KANK1: variants seen among roughly 807,000 people sequenced by gnomAD.
The protein encoded by KANK1 is KN motif and ankyrin repeat domain-containing protein 1.
A neutral mutation model predicts 106.2 loss-of-function variants in KANK1; 109 were observed. The observed-to-expected ratio is 1.03, with a 90% CI of 0.88 to 1.20. The LOEUF (loss-of-function observed/expected upper bound fraction) is 1.20, where lower values mean the gene tolerates loss of function less well. Ranked by LOEUF, KANK1 falls within the 50% of genes most tolerant of loss-of-function variation. The probability of loss-of-function intolerance (pLI) is 0.00; values close to 1 mark genes in which losing one functional copy is unlikely to be tolerated. For synonymous variants in KANK1, 873 were observed against 652.2 expected (o/e 1.34, Z -5.16); for missense variants, 2,399 against 1,710.7 (o/e 1.40, Z -7.10).
chr9:729,442 C>G (rs1235325067), intron 3 of KANK1, among the ~76,000 whole-genome samples: 4 of 152,134 alleles, frequency 2.6e-5, no homozygotes, highest in African/African-American at 7.2e-5. Flanking sequence ...GAAAGGTATT[C>G]CAGGTAGTAG....
chr9:529,220 A>T (rs111630439), intron 1 of KANK1, among the ~76,000 whole-genome samples: 1,676 of 144,188 alleles, frequency 0.012, 38 homozygotes, highest in African/African-American at 0.04. Flanking sequence ...TAACTCTGTT[A>T]ATATATATAT....
chr9:729,003 G>T (rs1402327421), intron 3 of KANK1, among the ~76,000 whole-genome samples: 2 of 152,204 alleles, frequency 1.3e-5, no homozygotes, highest in Admixed American at 1.3e-4. Context: ...GGCACATGTT[G>T]TCAGGACCTC....
At chr9:657,898 G>A (rs1334592766) in intron 1 of KANK1, among the ~76,000 whole-genome samples, 1 of 151,758 alleles carries the variant, frequency 6.6e-6, no homozygotes, top group Non-Finnish European at 1.5e-5. Context: ...GTGGTGTGGG[G>A]GTGGTATAGG....
chr9:640,985 C>T (rs752428427), intron 1 of KANK1, among the ~76,000 whole-genome samples: 8 of 152,152 alleles, frequency 5.3e-5, no homozygotes, highest in East Asian at 3.9e-4. Context: ...CGTGAGCCAC[C>T]GCGCCTGGCC....
Position 600,183 on chromosome 9 carries a change from G to T in KANK1, c.-83-76707G>T, listed in dbSNP as rs565299888. Among the ~76,000 whole-genome samples the T allele has an allele frequency of 2.6e-5, 4 of 151,600 alleles. No homozygotes were observed. In the East Asian group the frequency reaches 5.8e-4, roughly 22 times the overall value. ...CTTTCAAAACAAAAGCGCTATATCT[G>T]TTATACAACAACTCCCCACCCCCCT... On this transcript the variant is annotated intron_variant, in intron 1 of 11. Transcript: ENST00000382297.
chr9:743,843 C>T (rs1836409348), intron 10 of KANK1, among the ~76,000 whole-genome samples: 1 of 152,328 alleles, frequency 6.6e-6, no homozygotes, highest in South Asian at 2.1e-4. Flanking sequence ...GCCTGGGAGA[C>T]AAACCCTGTC....
intron 1 of KANK1, among the ~76,000 whole-genome samples, chr9:625,799 T>G (rs1834198994): frequency 6.6e-6 from 1 of 152,194 alleles, no homozygotes; most frequent in South Asian, 2.1e-4. Flanking sequence ...CTGAGTTTGT[T>G]GCACTGTGTA....
chr9:601,786 G>T (rs1827811224), intron 1 of KANK1, among the ~76,000 whole-genome samples: 1 of 151,654 alleles, frequency 6.6e-6, no homozygotes, highest in South Asian at 2.1e-4. Context: ...CTCACATTAT[G>T]GCATCCCCTG....
intron 1 of KANK1, among the ~76,000 whole-genome samples, chr9:511,856 T>G (rs1402549767): frequency 1.3e-5 from 2 of 152,108 alleles, no homozygotes; most frequent in Non-Finnish European, 2.9e-5. Context: ...CCCCAAAATT[T>G]AGTGGCTCAA....
At position 482,515 on chromosome 9, in the gene KANK1, G is replaced by A. The variant is rs117951978; in HGVS notation, c.-362+9242G>A. Reference sequence around the variant, plus strand: ...GGGGCACAATATTTTCCCCTCTCTCGAGATGGGTAAACTGAGGCTCAGGGG... The same window carrying A: ...GGGGCACAATATTTTCCCCTCTCTCAAGATGGGTAAACTGAGGCTCAGGGG... On this transcript the variant is annotated intron_variant, in intron 3 of 15. Transcript: ENST00000382303. 4.2e-3 allele frequency among the ~76,000 whole-genome samples: 638 copies of A among 152,242 alleles called. 5 individuals are homozygous for A. Among genetic ancestry groups the A allele is most frequent in the Admixed American group, 7.7e-3 (118 of 15,288 alleles).
chr9:561,834 A>G (rs1816520268), intron 1 of KANK1, among the ~76,000 whole-genome samples: 1 of 152,230 alleles, frequency 6.6e-6, no homozygotes, highest in Non-Finnish European at 1.5e-5. Context: ...AAAACTGTCA[A>G]GAGTCTGTAA....
At chr9:569,462 C>T (rs1163443429) in intron 1 of KANK1, among the ~76,000 whole-genome samples, 2 of 152,118 alleles carry the variant, frequency 1.3e-5, no homozygotes, top group African/African-American at 4.8e-5. Context: ...TGAGCTAGCA[C>T]ACTCGGCCGC....
intron 1 of KANK1, among the ~76,000 whole-genome samples, chr9:602,350 C>A (rs1308236553): frequency 1.3e-5 from 2 of 151,918 alleles, no homozygotes; most frequent in East Asian, 3.9e-4. Context: ...ACCTCCCGCT[C>A]CTGGGTTCAA....
chr9:646,636 C>G lies in KANK1; in HGVS notation c.-83-30254C>G, dbSNP rs1039814446. The stretch of plus-strand genomic sequence containing the variant: ...GTATTGTGCTGTGATAACAATGTCC[C>G]TAGAAACTGGACAGTTTATAGAGCA... On this transcript the variant is annotated intron_variant, in intron 1 of 11. Coordinates refer to ENST00000382297, the MANE Select transcript of KANK1 (RefSeq NM_015158.5). 6.0e-5 allele frequency among the ~76,000 whole-genome samples: 9 copies of G among 150,100 alleles called. 4 individuals carry two copies. The highest frequency in any genetic ancestry group is 2.3e-4 in the African/African-American group (9 of 39,954).
chr9:710,910 T>G lies in KANK1; in HGVS notation c.144T>G (p.Tyr48Ter), dbSNP rs781256675. The stretch of plus-strand genomic sequence containing the variant: ...AACTAGACTTAGATTTCCTCAAATA[T>G]GTGGATGACATACAGAAGGGAAATA... ...GYQLDLDFLK[Y>*]VDDIQKGNTI... is the part of the protein sequence containing the mutation. The change falls in exon 3 of 12, where the codon TAT becomes TAG. Residue 48 changes from tyrosine (Y) to a stop codon, truncating the protein, a stop_gained. Coordinates refer to ENST00000382297, the MANE Select transcript of KANK1 (RefSeq NM_015158.5). LOFTEE classifies it high-confidence loss of function. 4 of 1,614,150 alleles carry G rather than the reference T, an allele frequency of 2.5e-6. No individual in the cohort carries two copies. Among genetic ancestry groups the G allele is most frequent in the Non-Finnish European group, 3.4e-6 (4 of 1,180,008 alleles).
At chr9:651,461 C>T (rs9407334) in intron 1 of KANK1, among the ~76,000 whole-genome samples, 27,277 of 152,146 alleles carry the variant, frequency 0.18, 2,738 homozygotes, top group East Asian at 0.32. Context: ...CTGTGACTTA[C>T]TGGCATTTTC....
intron 1 of KANK1, among the ~76,000 whole-genome samples, chr9:594,722 G>A (rs1018363448): frequency 6.6e-6 from 1 of 151,836 alleles, no homozygotes; most frequent in Non-Finnish European, 1.5e-5. Context: ...AATATTGAAC[G>A]TGATTTCAGT....
chr9:718,000 C>T lies in KANK1; in HGVS notation c.2698+4536C>T, dbSNP rs184076962. 3.9e-5 allele frequency among the ~76,000 whole-genome samples: 6 copies of T among 152,266 alleles called. No individual in the cohort carries two copies. In the East Asian group the frequency reaches 5.8e-4, roughly 15 times the overall value. ...TTAGTTCATCAAAAGTTAATGAACT[C>T]GAAGTCATTCCCATAACTATGAAAG... On this transcript the variant is annotated intron_variant, in intron 3 of 11. Coordinates refer to ENST00000382297, the MANE Select transcript of KANK1 (RefSeq NM_015158.5).
chr9:472,692 C>T (rs2058041887), intron 2 of KANK1, among the ~76,000 whole-genome samples: 1 of 152,210 alleles, frequency 6.6e-6, no homozygotes, highest in African/African-American at 2.4e-5. Context: ...ACTGGTTACA[C>T]AATTTGCAGG....
Sources: allele counts gnomAD v4.1 joint callset (sites outside exome capture counted in the v4.1 genomes callset), GRCh38; gene constraint gnomAD v4.1.1; transcripts MANE v1.5; gene names NCBI Gene and HGNC (gene_info 2026-07-23, HGNC 2026-07-21).